The following PSME3IP1 variants were observed in gnomAD, a reference collection of about 807,000 sequenced individuals.
The protein encoded by PSME3IP1 is proteasome activator subunit 3 interacting protein 1.
A neutral mutation model predicts 34.1 loss-of-function variants in PSME3IP1; 13 were observed. That is an observed-to-expected ratio of 0.38 (90% confidence interval 0.25 to 0.61). PSME3IP1 has a LOEUF of 0.61. Among genes scored for constraint, PSME3IP1 ranks in the 20% least tolerant of loss-of-function variants. The pLI is 0.60. For missense variants in PSME3IP1, 237 were observed against 301.4 expected (o/e 0.79, Z 1.58); for synonymous variants, 93 against 114.3 (o/e 0.81, Z 1.19).
At chr16:57,168,676 T>G (rs1325280438) in intron 4 of PSME3IP1, among the ~76,000 whole-genome samples, 2 of 151,438 alleles carry the variant, frequency 1.3e-5, no homozygotes, top group African/African-American at 4.8e-5. Context: ...GGTGGCACAT[T>G]CCTGTAATCC....
Position 57,167,196 on chromosome 16 carries a change from C to T in PSME3IP1, c.379G>A (p.Glu127Lys). ...NNLKKVGISQ[E>K]NKKEVEKKLT... The stretch of plus-strand genomic sequence containing the variant: ...TTCTTTTCCACTTCCTTCTTGTTCT[C>T]TTGAGAAATTCCAACCTTCTTGAGG... The change falls in exon 5 of 7, where the codon GAG becomes AAG. Residue 127 changes from glutamate to lysine, a missense_variant. Glu to Lys is a moderately conservative substitution (Grantham distance 56). Coordinates refer to ENST00000309137, the MANE Select transcript of PSME3IP1 (RefSeq NM_024946.4). The T allele has an allele frequency of 6.2e-7, 1 of 1,614,200 alleles. No individual in the cohort carries two copies. Among genetic ancestry groups the T allele is most frequent in the Non-Finnish European group, 8.5e-7 (1 of 1,180,044 alleles).
At chr16:57,172,136 G>A (rs1443071324) in intron 4 of PSME3IP1, 115 bp downstream of exon 4, 2 of 1,089,626 alleles carry the variant, frequency 1.8e-6, no homozygotes, top group African/African-American at 3.1e-5. Flanking sequence ...TGTTCAAAGG[G>A]ACTTGAGAGA....
chr16:57,172,896 A>G lies in PSME3IP1; in HGVS notation c.128-22T>C, dbSNP rs756971349. ...CATTCTGAAAGGAAAAGGAGAGGGG[A>G]GAGAGGTGGACGGGGAGGAGATATA... On this transcript the variant is annotated intron_variant, in intron 2 of 6. Coordinates refer to ENST00000309137, the MANE Select transcript of PSME3IP1 (RefSeq NM_024946.4). 13 of 1,440,936 alleles carry G rather than the reference A, an allele frequency of 9.0e-6. 1 individual carries two copies. The South Asian group carries it at 1.3e-4, about 14-fold the overall frequency. 89.3% of individuals were successfully genotyped at this position (1,440,936 alleles called of 1,614,324 possible). A position where few individuals can be genotyped will look rare whatever the true frequency, so the allele number is the denominator to read the frequency against.
intron 2 of PSME3IP1, 45 bp downstream of exon 2, chr16:57,173,683 T>C (rs377487635): frequency 7.5e-6 from 12 of 1,607,688 alleles, no homozygotes; most frequent in East Asian, 2.2e-5. Flanking sequence ...CTCTGCAGGG[T>C]TGCTGTGTGG....
chr16:57,157,709 G>T (rs1205934201), intron 6 of PSME3IP1, among the ~76,000 whole-genome samples: 4 of 151,936 alleles, frequency 2.6e-5, no homozygotes, highest in African/African-American at 9.7e-5. Context: ...GCCTCCCAGA[G>T]GGCTGGGATT....
intron 1 of PSME3IP1, among the ~76,000 whole-genome samples, chr16:57,181,072 A>G (rs911577685): frequency 2.0e-5 from 3 of 152,218 alleles, no homozygotes; most frequent in Non-Finnish European, 4.4e-5. Context: ...AGTTAAAAAA[A>G]AAGTATTGAT....
intron 1 of PSME3IP1, among the ~76,000 whole-genome samples, chr16:57,182,701 G>C (rs1395431315): frequency 6.9e-6 from 1 of 144,122 alleles, no homozygotes; most frequent in East Asian, 2.1e-4. Context: ...CCTGAGGTCA[G>C]AAGTTCGAGA....
intron 5 of PSME3IP1, among the ~76,000 whole-genome samples, chr16:57,166,364 A>G (rs2071869670): frequency 6.6e-6 from 1 of 152,218 alleles, no homozygotes. Context: ...GCCTTGAGAC[A>G]GTGCTATCAC....
At chr16:57,164,232 A>G (rs989570435) in intron 5 of PSME3IP1, among the ~76,000 whole-genome samples, 167 bp from the exon 6 acceptor site, 3 of 152,216 alleles carry the variant, frequency 2.0e-5, no homozygotes, top group Admixed American at 6.5e-5. Flanking sequence ...TCTCCTTCCA[A>G]TTGCATCATC....
At chr16:57,164,348 T>C (rs1274367582) in intron 5 of PSME3IP1, among the ~76,000 whole-genome samples, 1 of 152,208 alleles carries the variant, frequency 6.6e-6, no homozygotes, top group East Asian at 1.9e-4. Flanking sequence ...TCAAATTGGT[T>C]AGAACCACAG....
intron 4 of PSME3IP1, among the ~76,000 whole-genome samples, chr16:57,170,814 T>G (rs1289644062): frequency 6.6e-6 from 1 of 152,196 alleles, no homozygotes; most frequent in Non-Finnish European, 1.5e-5. Flanking sequence ...GGCTTACGCC[T>G]GTAATCCCTG....
intron 1 of PSME3IP1, chr16:57,174,110 A>AG: frequency 2.7e-6 from 1 of 369,546 alleles, no homozygotes; most frequent in East Asian, 6.1e-5. Context: ...CCTGACTGAC[A>AG]TGGTGAAACC....
At position 57,185,974 on chromosome 16, in the gene PSME3IP1, G is replaced by C; in HGVS notation, c.-169C>G. 1.0e-6 allele frequency: 1 copy of C among 983,044 alleles called. No homozygotes were observed. Among genetic ancestry groups the C allele is most frequent in the African/African-American group, 1.8e-5 (1 of 57,100 alleles). 60.9% of individuals were successfully genotyped at this position (983,044 alleles called of 1,614,324 possible). Reference sequence around the variant, plus strand: ...TGAATGAAAGAAAGAAAAAAAAAAAGAAAATAGCCTTTGCTTTTGTATTTC... The same window carrying C: ...TGAATGAAAGAAAGAAAAAAAAAAACAAAATAGCCTTTGCTTTTGTATTTC... On this transcript the variant is annotated 5_prime_UTR_variant, in exon 1 of 7. Transcript: ENST00000309137.
chr16:57,170,436 C>A (rs1466509597), intron 4 of PSME3IP1, among the ~76,000 whole-genome samples: 2 of 152,190 alleles, frequency 1.3e-5, no homozygotes, highest in Non-Finnish European at 2.9e-5. Flanking sequence ...CAAGAAAATA[C>A]CAACTAGTAC....
chr16:57,180,757 AACAAACAG>A (rs1227483197), intron 1 of PSME3IP1, among the ~76,000 whole-genome samples: 2 of 152,086 alleles, frequency 1.3e-5, no homozygotes, highest in African/African-American at 4.8e-5. Flanking sequence ...CAAACAAACA[AACAAACAG>A]ACAAACAGGC....
chr16:57,185,409 G>A, intron 1 of PSME3IP1: 1 of 686,384 alleles, frequency 1.5e-6, no homozygotes, highest in Non-Finnish European at 1.8e-6. Flanking sequence ...CAATAAATGT[G>A]CTTCCCATCC....
chr16:57,179,218 ATTATTTT>A (rs1409440831), intron 1 of PSME3IP1, among the ~76,000 whole-genome samples: 1 of 152,220 alleles, frequency 6.6e-6, no homozygotes, highest in Non-Finnish European at 1.5e-5. Context: ...TAAACATTAC[ATTATTTT>A]TTAAAGGATT....
chr16:57,182,615 T>A (rs1485362533), intron 1 of PSME3IP1, among the ~76,000 whole-genome samples: 4 of 144,526 alleles, frequency 2.8e-5, no homozygotes, highest in Non-Finnish European at 6.1e-5. Context: ...AACTAAGATT[T>A]TTTTTTTTTT....
Position 57,173,848 on chromosome 16 carries a change from C to T in PSME3IP1, c.7G>A (p.Gly3Arg). 2 of 1,613,478 alleles carry T rather than the reference C, an allele frequency of 1.2e-6. No homozygotes were observed. The highest frequency in any genetic ancestry group is 1.7e-6 in the Non-Finnish European group (2 of 1,179,796). MD[G>R]GDDGNLIIKK... ...ATAATAAGGTTACCATCATCCCCTC[C>T]ATCCATAATGAAACAACCAATCTAC... The change falls in exon 2 of 7, where the codon GGA becomes AGA. Residue 3 changes from glycine (G) to arginine (R), a missense_variant. Coordinates refer to ENST00000309137, the MANE Select transcript of PSME3IP1 (RefSeq NM_024946.4).
Sources: allele counts gnomAD v4.1 joint callset (sites outside exome capture counted in the v4.1 genomes callset), GRCh38; gene constraint gnomAD v4.1.1; transcripts MANE v1.5; gene names NCBI Gene and HGNC (gene_info 2026-07-23, HGNC 2026-07-21).